Variants in CTNNA2 observed in about 807,000 individuals in gnomAD.
CTNNA2 encodes the protein catenin alpha 2, also known as catenin alpha-2.
Under a neutral mutation model 101.0 loss-of-function variants are expected in CTNNA2, and 42 were observed. That is an observed-to-expected ratio of 0.42 (90% confidence interval 0.32 to 0.54). The LOEUF (loss-of-function observed/expected upper bound fraction) is 0.54. CTNNA2 is among the 20% of genes least tolerant of loss of function. CTNNA2 has a pLI of 0.14. For synonymous variants in CTNNA2, 450 were observed against 456.4 expected (o/e 0.99, Z 0.18); for missense variants, 871 against 1,223.1 (o/e 0.71, Z 4.29).
rs533199997 is a variant in CTNNA2, at chr2:80,554,204, C to T, written c.1541-1489C>T. The stretch of plus-strand genomic sequence containing the variant: ...TTAATTTAGTAAAAGTAGGGGAGAT[C>T]GGTAGTGGAGACTAGGATTTGCTGG... On this transcript the variant is annotated intron_variant, in intron 11 of 18. Coordinates refer to ENST00000402739, the MANE Select transcript of CTNNA2 (RefSeq NM_001282597.3). 1.4e-4 allele frequency among the ~76,000 whole-genome samples: 22 copies of T among 152,098 alleles called. No homozygotes were observed. The East Asian group carries it at 4.1e-3, about 28-fold the overall frequency.
At chr2:80,532,875 A>G (rs987864790) in intron 9 of CTNNA2, among the ~76,000 whole-genome samples, 12 of 152,130 alleles carry the variant, frequency 7.9e-5, no homozygotes, top group African/African-American at 2.9e-4. Context: ...TAGGTAAACC[A>G]ACAGCGATAA....
intron 7 of CTNNA2, among the ~76,000 whole-genome samples, chr2:80,173,948 C>T (rs1309006948): frequency 6.6e-6 from 1 of 152,170 alleles, no homozygotes; most frequent in Non-Finnish European, 1.5e-5. Context: ...CCAACACCCT[C>T]TACTGACATA....
intron 7 of CTNNA2, among the ~76,000 whole-genome samples, chr2:80,154,915 C>T (rs1703918802): frequency 6.6e-6 from 1 of 152,138 alleles, no homozygotes; most frequent in Non-Finnish European, 1.5e-5. Context: ...TGCACTAAAA[C>T]TGAGATGTAA....
intron 4 of CTNNA2, among the ~76,000 whole-genome samples, chr2:79,403,355 C>T (rs923561190): frequency 2.0e-5 from 3 of 151,830 alleles, no homozygotes; most frequent in Non-Finnish European, 4.4e-5. Flanking sequence ...CTAAACTGTT[C>T]AATACATAGT....
At chr2:79,678,253 A>G (rs1351910238) in intron 2 of CTNNA2, among the ~76,000 whole-genome samples, 2 of 152,166 alleles carry the variant, frequency 1.3e-5, no homozygotes, top group African/African-American at 4.8e-5. Context: ...AAAGGTCTCT[A>G]TCCCCATGCT....
chr2:79,693,080 C>T (rs1684423166), intron 2 of CTNNA2, among the ~76,000 whole-genome samples: 1 of 151,432 alleles, frequency 6.6e-6, no homozygotes, highest in African/African-American at 2.4e-5. Context: ...ATTAGACATG[C>T]CATAATTATA....
Position 79,663,305 on chromosome 2 carries a change from A to G in CTNNA2, c.102+11647A>G, listed in dbSNP as rs572005447. On this transcript the variant is annotated intron_variant, in intron 2 of 18. Coordinates refer to ENST00000402739, the MANE Select transcript of CTNNA2 (RefSeq NM_001282597.3). ...GCAACCAGAGTGATCATTGAAAACA[A>G]TGCATAATTTGATCATGTCATTCTC... is the stretch of plus-strand genomic sequence containing the variant. Among the ~76,000 whole-genome samples, 9 of 152,308 alleles carry G rather than the reference A, an allele frequency of 5.9e-5. No individual in the cohort carries two copies. The East Asian group carries it at 1.5e-3, about 26-fold the overall frequency.
chr2:80,289,262 A>G (rs1009641363), intron 7 of CTNNA2: 3 of 152,164 alleles, frequency 2.0e-5, no homozygotes, highest in Non-Finnish European at 2.9e-5. Context: ...CAAGTGTCAA[A>G]GCATCTGTAG....
At chr2:80,332,367 TTAA>T (rs1671414410) in intron 7 of CTNNA2, among the ~76,000 whole-genome samples, 1 of 152,188 alleles carries the variant, frequency 6.6e-6, no homozygotes. Context: ...CTGTTAATTG[TTAA>T]TAGATTTTCA....
chr2:79,634,100 G>A (rs1034404431), intron 1 of CTNNA2, among the ~76,000 whole-genome samples: 1 of 152,204 alleles, frequency 6.6e-6, no homozygotes, highest in African/African-American at 2.4e-5. Context: ...AGATGAAGCA[G>A]GTGATTTATC....
chr2:79,743,540 T>A (rs13421167), intron 2 of CTNNA2, among the ~76,000 whole-genome samples: 12,788 of 145,496 alleles, frequency 0.088, 865 homozygotes, highest in African/African-American at 0.21. Context: ...TTATTTATTT[T>A]TTTTTTTTTT....
chr2:79,540,440 A>T (rs901284229), intron 1 of CTNNA2, among the ~76,000 whole-genome samples: 8 of 152,228 alleles, frequency 5.3e-5, no homozygotes, highest in Non-Finnish European at 1.2e-4. Context: ...CTTGAAATAA[A>T]TAGAAGAGAA....
intron 2 of CTNNA2, among the ~76,000 whole-genome samples, chr2:79,307,216 A>G (rs1676267402): frequency 6.6e-6 from 1 of 152,150 alleles, no homozygotes; most frequent in Non-Finnish European, 1.5e-5. Context: ...ATCATCTCAA[A>G]TGTCGATCAC....
chr2:79,411,101 G>C (rs918464314), intron 4 of CTNNA2, among the ~76,000 whole-genome samples: 1 of 152,054 alleles, frequency 6.6e-6, no homozygotes, highest in East Asian at 1.9e-4. Flanking sequence ...GTTGTTTCTG[G>C]TATTCTCAGA....
chr2:79,286,285 G>T (rs538575493), intron 2 of CTNNA2, among the ~76,000 whole-genome samples: 3 of 152,098 alleles, frequency 2.0e-5, no homozygotes, highest in African/African-American at 7.2e-5. Context: ...GTGTGAATTT[G>T]ATCTGTCATT....
chr2:79,630,101 T>C (rs1346112528), intron 1 of CTNNA2, among the ~76,000 whole-genome samples: 1 of 152,182 alleles, frequency 6.6e-6, no homozygotes, highest in East Asian at 1.9e-4. Context: ...TTAACCTTGC[T>C]CACACTTAAC....
At chr2:79,457,066 GT>G (rs1326653958) in intron 4 of CTNNA2, among the ~76,000 whole-genome samples, 3 of 151,988 alleles carry the variant, frequency 2.0e-5, no homozygotes, top group Admixed American at 6.6e-5. Flanking sequence ...GCCGGGCGCG[GT>G]GGCGGGCGCC....
Position 80,565,771 on chromosome 2 carries a change from T to C in CTNNA2, c.1742-8392T>C, listed in dbSNP as rs950888554. 5.9e-5 allele frequency among the ~76,000 whole-genome samples: 9 copies of C among 152,168 alleles called. No individual in the cohort carries two copies. The East Asian group carries it at 1.7e-3, about 29-fold the overall frequency. ...TGTATTTGTGTTATTTACCACTCGA[T>C]TCCCGATTCCCGGTGCCTAGAGTAC... On this transcript the variant is annotated intron_variant, in intron 12 of 18. Transcript: ENST00000402739.
chr2:80,369,652 A>T (rs1479821441), intron 7 of CTNNA2, among the ~76,000 whole-genome samples: 1 of 152,170 alleles, frequency 6.6e-6, no homozygotes, highest in African/African-American at 2.4e-5. Context: ...GATTAAGGTT[A>T]AAGACCCTGA....
Sources: gnomAD v4.1 joint callset for allele counts (sites outside exome capture counted in the v4.1 genomes callset) on GRCh38, gnomAD v4.1.1 for gene constraint, MANE v1.5 for transcripts, NCBI Gene and HGNC (gene_info 2026-07-23, HGNC 2026-07-21) for gene names.